Variants in GRB14 observed in about 807,000 individuals in gnomAD.
GRB14 encodes growth factor receptor bound protein 14.
A neutral mutation model predicts 69.1 loss-of-function variants in GRB14; 38 were observed. The observed-to-expected ratio is 0.55, with a 90% CI of 0.42 to 0.72. The LOEUF (loss-of-function observed/expected upper bound fraction) is 0.72. GRB14 is among the 30% of genes least tolerant of loss of function. GRB14 has a pLI of 0.00. For synonymous variants in GRB14, 247 were observed against 241.3 expected, an observed-to-expected ratio of 1.02 and a Z score of -0.22; for missense variants, 666 against 666.1, an observed-to-expected ratio of 1.00 and a Z score of 0.00.
chr2:164,534,595 TC>T lies in GRB14; in HGVS notation c.482-7461del, dbSNP rs567562151. On this transcript the variant is annotated intron_variant, in intron 3 of 13. Transcript: ENST00000263915. ...GCCTTGGTCTAGCCAAAAAACACCA[TC>T]ACCAAGACCTAAGAAAAGGGAAAAC... is the stretch of plus-strand genomic sequence containing the variant. Among the ~76,000 whole-genome samples the T allele has an allele frequency of 2.4e-3, 364 of 152,150 alleles. 2 individuals are homozygous for T. Among genetic ancestry groups the T allele is most frequent in the African/African-American group, 8.3e-3 (346 of 41,504 alleles).
At chr2:164,553,765 G>A (rs6707624) in intron 2 of GRB14, among the ~76,000 whole-genome samples, 1 of 152,102 alleles carries the variant, frequency 6.6e-6, no homozygotes, top group Non-Finnish European at 1.5e-5. Context: ...AGGAGTTCGA[G>A]ACCAGCTTGA....
rs73971027 is a variant in GRB14, at chr2:164,528,651, C to T, written c.482-1516G>A. 4.9e-3 allele frequency among the ~76,000 whole-genome samples: 745 copies of T among 152,174 alleles called. 7 individuals are homozygous for T. The highest frequency in any genetic ancestry group is 0.017 in the African/African-American group (686 of 41,544). On this transcript the variant is annotated intron_variant, in intron 3 of 13. Transcript: ENST00000263915. ...GCTCCTTTTCTATCCCATCGACTGG[C>T]TCCACTAGCTCCTTCTCCTCCTACA...
At chr2:164,587,092 G>C (rs1187642893) in intron 2 of GRB14, among the ~76,000 whole-genome samples, 1 of 152,068 alleles carries the variant, frequency 6.6e-6, no homozygotes, top group Non-Finnish European at 1.5e-5. Context: ...TATCATAATA[G>C]CAACAATAAG....
chr2:164,557,956 TAAA>T (rs1469995003), intron 2 of GRB14, among the ~76,000 whole-genome samples: 1 of 152,058 alleles, frequency 6.6e-6, no homozygotes, highest in African/African-American at 2.4e-5. Context: ...AGCAACAGGC[TAAA>T]GAGTAGTGGT....
At position 164,527,101 on chromosome 2, in the gene GRB14, T is replaced by C; in HGVS notation, c.516A>G (p.Glu172=). 1 of 1,583,182 alleles carries C rather than the reference T, an allele frequency of 6.3e-7. No homozygotes were observed. Residue 172 remains glutamate, a synonymous_variant, in exon 4 of 14, where the codon GAA becomes GAG. Coordinates refer to ENST00000263915, the MANE Select transcript of GRB14 (RefSeq NM_004490.3). ...CTTCTATCCCCCAGTTGGATAGCACTTCAATCACCAGTTCGTGGTCTTCTA... is the reference window on the plus strand; with the variant it reads ...CTTCTATCCCCCAGTTGGATAGCACCTCAATCACCAGTTCGTGGTCTTCTA... ...RTIEDHELVI[E]VLSNWGIEEE... is the part of the protein sequence containing the mutation.
intron 6 of GRB14, among the ~76,000 whole-genome samples, chr2:164,512,924 T>A (rs1687376954): frequency 1.3e-5 from 2 of 152,230 alleles, no homozygotes; most frequent in Admixed American, 6.5e-5. Context: ...ACTATTTGTC[T>A]TCTAAGAGAG....
intron 2 of GRB14, among the ~76,000 whole-genome samples, chr2:164,550,516 C>T (rs1688507307): frequency 6.6e-6 from 1 of 152,154 alleles, no homozygotes; most frequent in African/African-American, 2.4e-5. Context: ...AATAGTTGCT[C>T]TCTCTTACAA....
rs753009114 is a variant in GRB14, at chr2:164,493,137, T to C, written c.1522A>G (p.Thr508Ala). The change falls in exon 14 of 14, where the codon ACA becomes GCA. Residue 508 changes from threonine (T) to alanine (A), a missense_variant. Transcript: ENST00000263915. ...AGCTGTATTAGATCTGTAAATCTTG[T>C]GTGGCCATCATCCAGTGTGTGGAAC... The part of the protein sequence containing the change: ...EMFHTLDDGH[T>A]RFTDLIQLVE... 6.2e-6 allele frequency: 10 copies of C among 1,613,516 alleles called. No individual in the cohort carries two copies. In the African/African-American group the frequency reaches 1.3e-4, roughly 22 times the overall value.
Position 164,502,259 on chromosome 2 carries a change from G to GGTGA in GRB14, c.1096_1099dup (p.Pro367LeufsTer29), listed in dbSNP as rs767217520. On this transcript the variant is annotated frameshift_variant, in exon 9 of 14. Transcript: ENST00000263915. LOFTEE classifies it high-confidence loss of function. ...GCTCAAAAATTTGGTCCTTACCATA[G>GGTGA]GTGATATGCTCTGTGAACTGCAGCC... The GGTGA allele has an allele frequency of 6.3e-7, 1 of 1,583,424 alleles. No individual in the cohort carries two copies. The highest frequency in any genetic ancestry group is 8.7e-7 in the Non-Finnish European group (1 of 1,153,564).
chr2:164,620,891 C>G (rs765085072), intron 1 of GRB14, among the ~76,000 whole-genome samples: 1 of 152,166 alleles, frequency 6.6e-6, no homozygotes, highest in Admixed American at 6.6e-5. Context: ...TGGGCAGAGG[C>G]GAGAGAGATG....
chr2:164,493,686 C>T (rs928700035), intron 13 of GRB14, among the ~76,000 whole-genome samples: 4 of 151,918 alleles, frequency 2.6e-5, no homozygotes, highest in East Asian at 1.9e-4. Context: ...CTAAACAATT[C>T]GTATTTGCTG....
At chr2:164,574,415 T>G (rs1689198089) in intron 2 of GRB14, among the ~76,000 whole-genome samples, 1 of 151,914 alleles carries the variant, frequency 6.6e-6, no homozygotes, top group Non-Finnish European at 1.5e-5. Context: ...CTAATTTTTG[T>G]ATTTTTAGTA....
intron 3 of GRB14, among the ~76,000 whole-genome samples, chr2:164,534,734 AAT>A (rs1688036274): frequency 2.0e-5 from 3 of 152,210 alleles, no homozygotes; most frequent in Admixed American, 2.0e-4. Flanking sequence ...ATTTATTTCA[AAT>A]ATCAAAAAGG....
chr2:164,516,684 A>C (rs1489017071), intron 6 of GRB14, among the ~76,000 whole-genome samples: 1 of 152,164 alleles, frequency 6.6e-6, no homozygotes, highest in African/African-American at 2.4e-5. Flanking sequence ...CTACCAAGCC[A>C]GCACTACAAG....
At chr2:164,510,622 T>C (rs2105269121) in intron 6 of GRB14, among the ~76,000 whole-genome samples, 1 of 152,046 alleles carries the variant, frequency 6.6e-6, no homozygotes, top group East Asian at 1.9e-4. Context: ...GCTCTACCTA[T>C]CCTCCCCCAA....
chr2:164,580,276 A>G (rs1408315502), intron 2 of GRB14, among the ~76,000 whole-genome samples: 1 of 151,894 alleles, frequency 6.6e-6, no homozygotes, highest in Non-Finnish European at 1.5e-5. Context: ...CATTTTTAGT[A>G]GAGACGGGGT....
At position 164,621,012 on chromosome 2, in the gene GRB14, A is replaced by G; in HGVS notation, c.191+107T>C. Reference sequence around the variant, plus strand: ...GGGATTGTCTTCAGAGACTTTTACAAACTTGGCCCAGCTCTGGGCACATGG... The same window carrying G: ...GGGATTGTCTTCAGAGACTTTTACAGACTTGGCCCAGCTCTGGGCACATGG... On this transcript the variant is annotated intron_variant, in intron 1 of 13. Transcript: ENST00000263915. The surrounding 1 kb of genome is among the most constrained non-coding windows in gnomAD (Gnocchi z 6.0). 1 of 984,218 alleles carries G rather than the reference A, an allele frequency of 1.0e-6. No individual in the cohort carries two copies. Among genetic ancestry groups the G allele is most frequent in the Non-Finnish European group, 1.3e-6 (1 of 756,750 alleles). The allele number at this position is 984,218 out of a possible 1,614,324, so 61.0% of individuals were successfully genotyped here.
chr2:164,590,495 A>G (rs925068238), intron 2 of GRB14, among the ~76,000 whole-genome samples: 2 of 152,244 alleles, frequency 1.3e-5, no homozygotes, highest in Non-Finnish European at 1.5e-5. Flanking sequence ...TATAAAATAA[A>G]CAAATAAATT....
chr2:164,592,485 T>A (rs1689689780), intron 2 of GRB14, among the ~76,000 whole-genome samples: 1 of 152,098 alleles, frequency 6.6e-6, no homozygotes, highest in African/African-American at 2.4e-5. Context: ...ATACACCCAG[T>A]GAAACCTTTG....
Sources: allele counts gnomAD v4.1 joint callset (sites outside exome capture counted in the v4.1 genomes callset), GRCh38; gene constraint gnomAD v4.1.1; non-coding constraint Gnocchi (gnomAD v3.1); transcripts MANE v1.5; gene names NCBI Gene and HGNC (gene_info 2026-07-23, HGNC 2026-07-21).